Variants in TCF12 observed in about 807,000 individuals in gnomAD.
TCF12 encodes the protein transcription factor 12.
A neutral mutation model predicts 86.0 loss-of-function variants in TCF12; 45 were observed. That is an observed-to-expected ratio of 0.52 (90% CI 0.41 to 0.67). The LOEUF (loss-of-function observed/expected upper bound fraction) is 0.67. Among genes scored for constraint, TCF12 ranks in the 30% least tolerant of loss-of-function variants. The pLI is 0.00. For missense variants in TCF12, 881 were observed against 859.9 expected (o/e 1.02, Z -0.31); for synonymous variants, 330 against 299.6 (o/e 1.10, Z -1.05).
intron 8 of TCF12, among the ~76,000 whole-genome samples, chr15:57,206,208 T>C (rs1410235316): frequency 6.6e-6 from 1 of 152,140 alleles, no homozygotes; most frequent in Non-Finnish European, 1.5e-5. Context: ...CACTAAAGAA[T>C]ACAAGGTAAT....
intron 13 of TCF12, among the ~76,000 whole-genome samples, chr15:57,244,417 G>T (rs2059765936): frequency 6.6e-6 from 1 of 152,124 alleles, no homozygotes. Flanking sequence ...AAAACTCTCT[G>T]TGAAGGTGGA....
At chr15:57,049,481 CTT>C (rs1171384757) in intron 3 of TCF12, among the ~76,000 whole-genome samples, 1 of 152,196 alleles carries the variant, frequency 6.6e-6, no homozygotes, top group African/African-American at 2.4e-5. Context: ...AGTATGTCCT[CTT>C]TTGTGTCTGG....
downstream of TCF12, among the ~76,000 whole-genome samples, chr15:57,290,253 G>A (rs1240280408): frequency 1.3e-5 from 2 of 149,254 alleles, no homozygotes; most frequent in Non-Finnish European, 3.0e-5. Flanking sequence ...TGAGGCAGGA[G>A]AATCACTTGA....
chr15:57,277,678 T>G (rs1049104670), intron 19 of TCF12, among the ~76,000 whole-genome samples: 2 of 150,608 alleles, frequency 1.3e-5, no homozygotes, highest in African/African-American at 2.4e-5. Flanking sequence ...GGCTTATGCC[T>G]GTAATCCCAG....
At chr15:57,282,373 CA>C (rs2061730314) in intron 19 of TCF12, 71 bp from the exon 20 acceptor site, 2 of 1,569,596 alleles carry the variant, frequency 1.3e-6, no homozygotes, top group African/African-American at 2.7e-5. Context: ...AAAACAACAG[CA>C]ATTTGTTCAG....
At chr15:56,935,812 C>T (rs1953120045) in intron 3 of TCF12, among the ~76,000 whole-genome samples, 1 of 152,060 alleles carries the variant, frequency 6.6e-6, no homozygotes, top group South Asian at 2.1e-4. Flanking sequence ...TAATTTGTTC[C>T]TTCTTATGGC....
intron 3 of TCF12, among the ~76,000 whole-genome samples, chr15:56,998,425 C>G (rs933873377): frequency 6.1e-5 from 9 of 147,602 alleles, no homozygotes; most frequent in Non-Finnish European, 8.9e-5. Context: ...CCACTGCACT[C>G]CAGCCTTGGT....
chr15:56,980,814 C>G (rs1399223342), intron 3 of TCF12, among the ~76,000 whole-genome samples: 1 of 152,130 alleles, frequency 6.6e-6, no homozygotes, highest in African/African-American at 2.4e-5. Context: ...TCTCTTCTCT[C>G]AGATTTGTGC....
At chr15:56,964,556 A>G (rs1472232737) in intron 3 of TCF12, among the ~76,000 whole-genome samples, 1 of 152,130 alleles carries the variant, frequency 6.6e-6, no homozygotes, top group Non-Finnish European at 1.5e-5. Flanking sequence ...ACACTACTCA[A>G]GTTTTACTTT....
chr15:57,218,217 G>A (rs536520224), intron 8 of TCF12, among the ~76,000 whole-genome samples: 3 of 152,168 alleles, frequency 2.0e-5, no homozygotes, highest in African/African-American at 7.2e-5. Context: ...AAAGTGATGT[G>A]CCCCCTTTTG....
chr15:57,078,416 GC>G (rs547596182), intron 4 of TCF12, among the ~76,000 whole-genome samples: 304 of 152,158 alleles, frequency 2.0e-3, no homozygotes, highest in Non-Finnish European at 3.8e-3. Context: ...TGCATCTCAG[GC>G]CCAGACCTCA....
At chr15:57,249,070 T>C (rs1311602069) in intron 13 of TCF12, among the ~76,000 whole-genome samples, 1 of 152,220 alleles carries the variant, frequency 6.6e-6, no homozygotes, top group Non-Finnish European at 1.5e-5. Flanking sequence ...AACATTAAGA[T>C]AAATTCTTTT....
chr15:57,252,023 T>A (rs371966032), intron 14 of TCF12, among the ~76,000 whole-genome samples: 4 of 152,390 alleles, frequency 2.6e-5, no homozygotes, highest in African/African-American at 9.6e-5. Flanking sequence ...CTACTGTTGC[T>A]TTTGTATACT....
intron 5 of TCF12, among the ~76,000 whole-genome samples, chr15:57,126,255 A>T (rs570278211): frequency 6.6e-6 from 1 of 152,170 alleles, no homozygotes; most frequent in Admixed American, 6.5e-5. Context: ...AAAACAAAGC[A>T]TCTGATTTTT....
chr15:57,129,907 C>T (rs894839919), intron 5 of TCF12: 2 of 152,272 alleles, frequency 1.3e-5, no homozygotes, highest in Non-Finnish European at 2.9e-5. Context: ...CTAGATTCAA[C>T]ACTGTACTCC....
In TCF12 at chr15:57,083,072, C is replaced by T. The variant is rs1485971003; in HGVS notation, c.223-8717C>T. On this transcript the variant is annotated intron_variant, in intron 4 of 20. Transcript: ENST00000333725. The stretch of plus-strand genomic sequence containing the variant: ...AAGAAAAAGAGATACTATTTAGAAA[C>T]ATAAAAAGTGATGCTATATATCATT... Among the ~76,000 whole-genome samples, 5 of 151,948 alleles carry T rather than the reference C, an allele frequency of 3.3e-5. No homozygotes were observed. In the East Asian group the frequency reaches 7.7e-4, roughly 23 times the overall value.
At chr15:57,220,707 A>G (rs554458461) in intron 8 of TCF12, among the ~76,000 whole-genome samples, 87 of 152,298 alleles carry the variant, frequency 5.7e-4, no homozygotes, top group Non-Finnish European at 5.9e-4. Flanking sequence ...CTAAAAAAAA[A>G]AGAGTAAACT....
At chr15:57,087,099 C>G (rs12913192) in intron 4 of TCF12, among the ~76,000 whole-genome samples, 1 of 150,442 alleles carries the variant, frequency 6.6e-6, no homozygotes, top group African/African-American at 2.5e-5. Flanking sequence ...CTGTCTCCCT[C>G]TCTCTCCCTC....
At chr15:57,012,473 G>T (rs184890219) in intron 3 of TCF12, among the ~76,000 whole-genome samples, 17 of 152,098 alleles carry the variant, frequency 1.1e-4, no homozygotes, top group Non-Finnish European at 1.9e-4. Context: ...ACTCTTGTAC[G>T]CCGCATTGAT....
Sources: gnomAD v4.1 joint callset for allele counts (sites outside exome capture counted in the v4.1 genomes callset) on GRCh38, gnomAD v4.1.1 for gene constraint, MANE v1.5 for transcripts, NCBI Gene and HGNC (gene_info 2026-07-23, HGNC 2026-07-21) for gene names.